The following PXDNL variants were observed in gnomAD, a reference collection of about 807,000 sequenced individuals.
PXDNL encodes the protein probable oxidoreductase PXDNL.
Under a neutral mutation model 150.8 loss-of-function variants are expected in PXDNL, and 145 were observed. The ratio of observed to expected loss-of-function variants is 0.96; its 90% CI spans 0.84 to 1.10. The LOEUF is 1.10. Ranked by LOEUF, PXDNL falls within the 50% of genes least tolerant of loss-of-function variation. The probability of loss-of-function intolerance (pLI) is 0.00; values close to 1 mark genes in which losing one functional copy is unlikely to be tolerated. For synonymous variants in PXDNL, 757 were observed against 725.7 expected, an observed-to-expected ratio of 1.04 and a Z score of -0.69; for missense variants, 2,087 against 1,873.9, an observed-to-expected ratio of 1.11 and a Z score of -2.10.
chr8:51,733,799 C>T (rs1361619776), intron 1 of PXDNL, among the ~76,000 whole-genome samples: 1 of 126,184 alleles, frequency 7.9e-6, no homozygotes, highest in South Asian at 2.7e-4. Flanking sequence ...CACAGCAAGA[C>T]TCTGTCTCAA....
At position 51,408,234 on chromosome 8, in the gene PXDNL, A is replaced by G; in HGVS notation, c.3390T>C (p.Ala1130=). ...PELTQRLFSA[A]YSAAVDSAAT... is the part of the protein sequence containing the mutation. ...CAGCCGAATCCACGGCCGCAGAATA[A>G]GCCGCGGAGAAGAGCCTCTGGGTCA... Residue 1130 remains alanine, a synonymous_variant, in exon 17 of 23, where the codon GCT becomes GCC. Transcript: ENST00000356297. 1 of 1,613,952 alleles carries G rather than the reference A, an allele frequency of 6.2e-7. No homozygotes were observed.
chr8:51,656,485 G>A (rs780745950), intron 1 of PXDNL, among the ~76,000 whole-genome samples: 12 of 151,994 alleles, frequency 7.9e-5, no homozygotes, highest in Admixed American at 1.3e-4. Flanking sequence ...ATGTAGACCC[G>A]AATACCCTGG....
intron 1 of PXDNL, among the ~76,000 whole-genome samples, chr8:51,795,291 G>A (rs2037549688): frequency 6.6e-6 from 1 of 152,160 alleles, no homozygotes; most frequent in South Asian, 2.1e-4. Context: ...TGGATCAAGT[G>A]GACATGATAG....
intron 2 of PXDNL, among the ~76,000 whole-genome samples, chr8:51,621,448 CTGTGTGTGTGTGTGTG>C (rs10531050): frequency 7.0e-6 from 1 of 142,138 alleles, no homozygotes; most frequent in Admixed American, 7.1e-5. Context: ...GTGTGTGTGT[CTGTGTGTGTGTGTGTG>C]TGTGTGTGTG....
chr8:51,366,453 T>C (rs1201284250), intron 19 of PXDNL, among the ~76,000 whole-genome samples: 1 of 151,784 alleles, frequency 6.6e-6, no homozygotes, highest in Non-Finnish European at 1.5e-5. Context: ...CTGCTCTGGC[T>C]CAGGAGGCTG....
intron 11 of PXDNL, among the ~76,000 whole-genome samples, chr8:51,448,572 G>C (rs975819349): frequency 2.6e-5 from 4 of 152,076 alleles, no homozygotes; most frequent in African/African-American, 9.7e-5. Flanking sequence ...GGGCGTGGTG[G>C]CGGGCACCTG....
intron 1 of PXDNL, among the ~76,000 whole-genome samples, chr8:51,660,386 G>C (rs908477266): frequency 6.6e-5 from 10 of 152,130 alleles, no homozygotes. Flanking sequence ...AGTGAGGTGG[G>C]GCCTCCTGGT....
chr8:51,564,140 T>C (rs1346473019), intron 3 of PXDNL, among the ~76,000 whole-genome samples: 1 of 151,966 alleles, frequency 6.6e-6, no homozygotes, highest in African/African-American at 2.4e-5. Context: ...CAATTACTAT[T>C]TTTCACTAGA....
chr8:51,608,186 A>G (rs534234145), intron 2 of PXDNL, among the ~76,000 whole-genome samples: 44 of 140,628 alleles, frequency 3.1e-4, no homozygotes, highest in African/African-American at 4.2e-4. Context: ...TCAGGAGATC[A>G]AGACCATCCT....
intron 5 of PXDNL, among the ~76,000 whole-genome samples, chr8:51,492,510 G>A (rs571909283): frequency 5.3e-5 from 8 of 152,164 alleles, no homozygotes; most frequent in African/African-American, 1.7e-4. Context: ...AAGCTCAAGG[G>A]GTCAGGGAAT....
chr8:51,369,525 T>C (rs1807027991), intron 19 of PXDNL, among the ~76,000 whole-genome samples: 1 of 152,116 alleles, frequency 6.6e-6, no homozygotes, highest in African/African-American at 2.4e-5. Context: ...CACGGAAAAA[T>C]ACACATGTAT....
chr8:51,412,086 GCA>G (rs1243954071), intron 15 of PXDNL, among the ~76,000 whole-genome samples: 1 of 152,128 alleles, frequency 6.6e-6, no homozygotes, highest in Non-Finnish European at 1.5e-5. Flanking sequence ...AGCAGTTTAT[GCA>G]CATTTGTAGA....
intron 1 of PXDNL, among the ~76,000 whole-genome samples, chr8:51,787,488 G>T (rs556736295): frequency 3.3e-5 from 5 of 152,230 alleles, no homozygotes; most frequent in Non-Finnish European, 7.3e-5. Flanking sequence ...ACTTAGAGGG[G>T]TTCAAGACTT....
At chr8:51,365,730 G>A (rs1362199100) in intron 19 of PXDNL, among the ~76,000 whole-genome samples, 2 of 152,218 alleles carry the variant, frequency 1.3e-5, no homozygotes, top group Non-Finnish European at 2.9e-5. Context: ...AACCCAAAAT[G>A]ATGGTAACTG....
intron 3 of PXDNL, among the ~76,000 whole-genome samples, chr8:51,576,198 C>CAAAAAAA (rs35166901): frequency 9.1e-6 from 1 of 109,354 alleles, no homozygotes; most frequent in African/African-American, 3.0e-5. Context: ...AACACTGCTC[C>CAAAAAAA]AAAAAAAAAA....
chr8:51,442,976 T>A (rs74775629), intron 12 of PXDNL, among the ~76,000 whole-genome samples: 1 of 152,296 alleles, frequency 6.6e-6, no homozygotes, highest in East Asian at 1.9e-4. Flanking sequence ...GAAAAGCACC[T>A]GACCACATGA....
rs951272112 is a variant in PXDNL at position 51,728,354 on chromosome 8, A to AT, written c.165-73595dup. Among the ~76,000 whole-genome samples, 199 of 152,248 alleles carry AT rather than the reference A, an allele frequency of 1.3e-3. 1 individual carries two copies. The highest frequency in any genetic ancestry group is 4.6e-3 in the African/African-American group (192 of 41,540). The stretch of plus-strand genomic sequence containing the variant: ...TTTTAGTTACTCCTTCTGCTTATAT[A>AT]TTTTTTCAGAGTAAACTGTAAATTA... On this transcript the variant is annotated intron_variant, in intron 1 of 22. Transcript: ENST00000356297.
intron 19 of PXDNL, 65 bp from the exon 20 acceptor site, chr8:51,346,012 C>A: frequency 2.0e-6 from 2 of 1,008,204 alleles, no homozygotes; most frequent in South Asian, 1.3e-5. Flanking sequence ...TCATCTAGAT[C>A]ATTTCTTTAA....
At position 51,644,318 on chromosome 8, in the gene PXDNL, T is replaced by TATATATATATA. The variant is rs1814852884; in HGVS notation, c.236+10370_236+10371insTATATATATAT. On this transcript the variant is annotated intron_variant, in intron 2 of 22. Transcript: ENST00000356297. ...TAAACCCTGTAGCAAAGGCACATTT[T>TATATATATATA]TACATATATATATATATATACACAC... 3.2e-4 allele frequency among the ~76,000 whole-genome samples: 20 copies of TATATATATATA among 63,320 alleles called. No individual in the cohort carries two copies. In the South Asian group the frequency reaches 3.8e-3, roughly 12 times the overall value. 41.5% of individuals were successfully genotyped at this position (63,320 alleles called of 152,430 possible).
Sources: allele counts gnomAD v4.1 joint callset (sites outside exome capture counted in the v4.1 genomes callset), GRCh38; gene constraint gnomAD v4.1.1; transcripts MANE v1.5; gene names NCBI Gene and HGNC (gene_info 2026-07-23, HGNC 2026-07-21).